KDM4C: variants seen among roughly 807,000 people sequenced by gnomAD.
KDM4C encodes the protein lysine demethylase 4C.
In KDM4C, 81 loss-of-function variants were observed where a neutral mutation model predicts 129.3. The observed-to-expected ratio is 0.63, with a 90% confidence interval of 0.52 to 0.75. KDM4C has a LOEUF of 0.75. KDM4C is among the 30% of genes least tolerant of loss of function. The pLI is 0.00. For missense variants in KDM4C, 1,457 were observed against 1,304.0 expected (o/e 1.12, Z -1.81); for synonymous variants, 573 against 456.1 (o/e 1.26, Z -3.26).
rs142105086 is a variant in KDM4C, at chr9:6,724,567, G to A, written c.49+3570G>A. On this transcript the variant is annotated intron_variant, in intron 1 of 17. Transcript: ENST00000536108. ...TATTTTTGAGACGGATACTTGTTCTGTCGCCCAGGCTGGAGTGCAGTGGCA... is the reference window on the plus strand; with the variant it reads ...TATTTTTGAGACGGATACTTGTTCTATCGCCCAGGCTGGAGTGCAGTGGCA... Among the ~76,000 whole-genome samples the A allele has an allele frequency of 4.6e-5, 7 of 152,196 alleles. 1 individual carries two copies. In the East Asian group the frequency reaches 1.3e-3, roughly 29 times the overall value.
chr9:7,157,803 G>A (rs1843347453), intron 19 of KDM4C, among the ~76,000 whole-genome samples: 1 of 152,188 alleles, frequency 6.6e-6, no homozygotes, highest in South Asian at 2.1e-4. Flanking sequence ...AGGGATATTG[G>A]TCAAAAATTC....
chr9:6,835,326 C>A, intron 4 of KDM4C: 2 of 951,280 alleles, frequency 2.1e-6, no homozygotes, highest in East Asian at 4.8e-5. Flanking sequence ...TCCACAAAGA[C>A]CTTTACGCCA....
chr9:7,052,607 T>C (rs1173351991), intron 17 of KDM4C, among the ~76,000 whole-genome samples: 6 of 152,206 alleles, frequency 3.9e-5, no homozygotes, highest in African/African-American at 7.2e-5. Context: ...GATTAAATTG[T>C]AGAGCCCAGC....
chr9:6,733,775 C>A (rs959067855), intron 1 of KDM4C, among the ~76,000 whole-genome samples: 1 of 152,160 alleles, frequency 6.6e-6, no homozygotes, highest in Non-Finnish European at 1.5e-5. Context: ...TGCTGGTTGT[C>A]TATTTTTATG....
intron 12 of KDM4C, among the ~76,000 whole-genome samples, chr9:7,004,253 G>C (rs986129371): frequency 1.3e-5 from 2 of 152,194 alleles, no homozygotes; most frequent in South Asian, 2.1e-4. Context: ...ATACTGTCCT[G>C]AGTGAGTGAA....
chr9:7,141,398 C>A (rs1841728981), intron 19 of KDM4C, among the ~76,000 whole-genome samples: 1 of 152,230 alleles, frequency 6.6e-6, no homozygotes, highest in African/African-American at 2.4e-5. Context: ...GTGGGTTGGA[C>A]AAGCTTGCCT....
intron 1 of KDM4C, among the ~76,000 whole-genome samples, chr9:6,776,913 T>C (rs1588188902): frequency 6.6e-6 from 1 of 152,344 alleles, no homozygotes; most frequent in Middle Eastern, 3.4e-3. Flanking sequence ...CAATCCCACC[T>C]TTTAAAGGCT....
At chr9:7,139,038 G>A (rs376231626) in intron 19 of KDM4C, among the ~76,000 whole-genome samples, 9 of 152,092 alleles carry the variant, frequency 5.9e-5, no homozygotes, top group African/African-American at 1.7e-4. Context: ...TTGGGAGTTC[G>A]AGGCAGGCAG....
At chr9:7,138,209 G>C in intron 19 of KDM4C, among the ~76,000 whole-genome samples, 1 of 152,156 alleles carries the variant, frequency 6.6e-6, no homozygotes, top group East Asian at 1.9e-4. Flanking sequence ...AGTGTTCTAT[G>C]CTAAGAAGTG....
upstream of KDM4C, among the ~76,000 whole-genome samples, chr9:6,753,295 G>A (rs991281547): frequency 1.3e-5 from 2 of 152,172 alleles, no homozygotes; most frequent in Non-Finnish European, 2.9e-5. Context: ...AGGCCTAAGA[G>A]TAAGCACACC....
chr9:6,819,438 T>G (rs368607810), intron 4 of KDM4C, among the ~76,000 whole-genome samples: 19 of 152,240 alleles, frequency 1.2e-4, no homozygotes, highest in African/African-American at 4.6e-4. Flanking sequence ...ATCCTCATCG[T>G]TTACAGGTTT....
chr9:6,828,547 C>T (rs898384298), intron 4 of KDM4C, among the ~76,000 whole-genome samples: 2 of 150,686 alleles, frequency 1.3e-5, no homozygotes, highest in East Asian at 1.9e-4. Flanking sequence ...ACGTAGAGAC[C>T]GTCTGATCTT....
At chr9:6,937,678 T>C (rs528727976) in intron 8 of KDM4C, among the ~76,000 whole-genome samples, 1 of 152,264 alleles carries the variant, frequency 6.6e-6, no homozygotes, top group African/African-American at 2.4e-5. Flanking sequence ...CACTGTTTTT[T>C]TCTTCTCTCC....
intron 1 of KDM4C, among the ~76,000 whole-genome samples, chr9:6,777,848 G>C (rs1210449846): frequency 6.7e-6 from 1 of 149,212 alleles, no homozygotes; most frequent in Non-Finnish European, 1.5e-5. Context: ...AAATTCTTCA[G>C]TTTGATAGTC....
intron 4 of KDM4C, among the ~76,000 whole-genome samples, chr9:6,827,224 C>G (rs1423077982): frequency 6.6e-6 from 1 of 152,224 alleles, no homozygotes. Flanking sequence ...TTCAGGAAAG[C>G]TCTGTGTTTT....
At chr9:6,744,407 C>T (rs891047959) in intron 1 of KDM4C, among the ~76,000 whole-genome samples, 2 of 152,042 alleles carry the variant, frequency 1.3e-5, no homozygotes, top group Non-Finnish European at 2.9e-5. Flanking sequence ...CGCCTGTAAT[C>T]CCAGCTACTC....
chr9:6,833,508 A>G (rs1835295130), intron 4 of KDM4C, among the ~76,000 whole-genome samples: 1 of 152,116 alleles, frequency 6.6e-6, no homozygotes, highest in South Asian at 2.1e-4. Flanking sequence ...ATGGGTTAGA[A>G]TTTTCATTCT....
At chr9:6,750,280 A>G (rs186760579) in intron 1 of KDM4C, among the ~76,000 whole-genome samples, 1 of 152,110 alleles carries the variant, frequency 6.6e-6, no homozygotes, top group Non-Finnish European at 1.5e-5. Context: ...CTTTACTAAA[A>G]ATACAAAAAT....
rs140602479 is a variant in KDM4C at position 7,153,191 on chromosome 9, G to T, written c.2782-12047G>T. Among the ~76,000 whole-genome samples, 139 of 152,228 alleles carry T rather than the reference G, an allele frequency of 9.1e-4. 3 individuals carry two copies. The East Asian group carries it at 0.022, about 25-fold the overall frequency. ...GAGCTCAAGTGATCCTTCCACCTTG[G>T]CCGCCCAAAGTGCTGGGATTACACT... On this transcript the variant is annotated intron_variant, in intron 19 of 21. Transcript: ENST00000381309.
Sources: gnomAD v4.1 joint callset for allele counts (sites outside exome capture counted in the v4.1 genomes callset) on GRCh38, gnomAD v4.1.1 for gene constraint, MANE v1.5 for transcripts, NCBI Gene and HGNC (gene_info 2026-07-23, HGNC 2026-07-21) for gene names.